The following DISC1 variants were observed in gnomAD, a reference collection of about 807,000 sequenced individuals.
The protein encoded by DISC1 is disrupted in schizophrenia 1 protein.
A neutral mutation model predicts 84.5 loss-of-function variants in DISC1; 57 were observed. The observed-to-expected ratio is 0.67, with a 90% CI of 0.55 to 0.84. DISC1 has a LOEUF of 0.84. DISC1 is among the 40% of genes least tolerant of loss of function. The pLI, the probability that DISC1 is intolerant of heterozygous loss-of-function variation, is 0.00. For missense variants in DISC1, 1,000 were observed against 1,057.8 expected, an observed-to-expected ratio of 0.95 and a Z score of 0.76; for synonymous variants, 411 against 415.2, an observed-to-expected ratio of 0.99 and a Z score of 0.12.
At chr1:231,716,316 CAAAA>C (rs397861600) in intron 3 of DISC1, among the ~76,000 whole-genome samples, 4 of 82,740 alleles carry the variant, frequency 4.8e-5, no homozygotes, top group Admixed American at 1.4e-4. Flanking sequence ...TTTCAATCTG[CAAAA>C]AAAAAAAAAA....
rs140576246 is a variant in DISC1, at chr1:231,935,471, C to A, written c.1982-23357C>A. 2.6e-3 allele frequency among the ~76,000 whole-genome samples: 389 copies of A among 152,202 alleles called. 3 individuals carry two copies. The highest frequency in any genetic ancestry group is 9.1e-3 in the African/African-American group (378 of 41,534). The stretch of plus-strand genomic sequence containing the variant: ...ACAAATGTACATATTGTCCTCTACG[C>A]GTGATATAAAATTGTTCAGCAATAG... On this transcript the variant is annotated intron_variant, in intron 9 of 12. Transcript: ENST00000439617.
intron 1 of DISC1, among the ~76,000 whole-genome samples, chr1:231,642,169 CG>C (rs2059765257): frequency 6.6e-6 from 1 of 152,054 alleles, no homozygotes; most frequent in Non-Finnish European, 1.5e-5. Context: ...CTTCACTGCC[CG>C]GGGCCGGCGG....
chr1:231,637,132 A>G (rs1352090066), intron 1 of DISC1, among the ~76,000 whole-genome samples: 1 of 152,088 alleles, frequency 6.6e-6, no homozygotes, highest in Non-Finnish European at 1.5e-5. Context: ...AAGGACATGA[A>G]CTCATCCTTT....
chr1:231,937,791 G>T (rs2091072192), intron 9 of DISC1, among the ~76,000 whole-genome samples: 1 of 152,106 alleles, frequency 6.6e-6, no homozygotes, highest in Non-Finnish European at 1.5e-5. Flanking sequence ...CTGAAAGAGG[G>T]ATTCCTAAAC....
At chr1:231,894,744 GTT>G (rs1491525773) in intron 9 of DISC1, among the ~76,000 whole-genome samples, 14 of 85,886 alleles carry the variant, frequency 1.6e-4, no homozygotes, top group Non-Finnish European at 2.2e-4. Flanking sequence ...TGTGTCATCT[GTT>G]GTGTGTGTGT....
chr1:231,783,789 A>T (rs535824402), intron 6 of DISC1, among the ~76,000 whole-genome samples: 1 of 152,196 alleles, frequency 6.6e-6, no homozygotes, highest in Non-Finnish European at 1.5e-5. Flanking sequence ...ATTCACTATT[A>T]GGGCTTACTC....
rs2073937951 is a variant in DISC1 at position 231,745,987 on chromosome 1, G to A, written c.1118-3939G>A. On this transcript the variant is annotated intron_variant, in intron 3 of 12. Coordinates refer to ENST00000439617, the MANE Select transcript of DISC1 (RefSeq NM_018662.3). ...CTTGTTCCCTCTCTTGCCACGTGAT[G>A]TGCCTGCTCTCCCTTAGCCTTCTGC... 2.6e-5 allele frequency among the ~76,000 whole-genome samples: 4 copies of A among 152,124 alleles called. No individual in the cohort carries two copies. The South Asian group carries it at 8.3e-4, about 32-fold the overall frequency.
At chr1:232,005,841 G>T (rs1667352437) in intron 10 of DISC1, among the ~76,000 whole-genome samples, 1 of 152,154 alleles carries the variant, frequency 6.6e-6, no homozygotes, top group Non-Finnish European at 1.5e-5. Flanking sequence ...TAGAAGGAAG[G>T]GTTATTAAAT....
intron 3 of DISC1, among the ~76,000 whole-genome samples, chr1:231,718,388 A>G (rs1317561480): frequency 2.7e-5 from 4 of 150,870 alleles, no homozygotes; most frequent in African/African-American, 9.8e-5. Context: ...TTAGCTTTCT[A>G]ACTTCATTTC....
intron 9 of DISC1, among the ~76,000 whole-genome samples, chr1:231,923,320 AAAAAG>A (rs2090131471): frequency 6.9e-6 from 1 of 145,178 alleles, no homozygotes; most frequent in South Asian, 2.2e-4. Context: ...AAAAAAAAAC[AAAAAG>A]AAAAAGAAAT....
intron 1 of DISC1, among the ~76,000 whole-genome samples, chr1:231,664,875 C>T (rs1465025462): frequency 4.0e-5 from 6 of 149,872 alleles, no homozygotes; most frequent in South Asian, 2.1e-4. Flanking sequence ...TGAAAAAACT[C>T]GCAGACAAAC....
intron 1 of DISC1, among the ~76,000 whole-genome samples, chr1:231,667,006 G>A (rs978112424): frequency 6.6e-6 from 1 of 152,166 alleles, no homozygotes; most frequent in African/African-American, 2.4e-5. Flanking sequence ...TAGCTAAGAT[G>A]TGGTACCTTC....
chr1:231,781,639 G>A (rs200329930), intron 6 of DISC1, among the ~76,000 whole-genome samples: 4 of 152,112 alleles, frequency 2.6e-5, no homozygotes, highest in Admixed American at 6.6e-5. Context: ...CTTGAGAACC[G>A]TTCTGTACTT....
rs750420941 is a variant in DISC1, at chr1:232,026,325, A to G, written c.2308-110A>G. On this transcript the variant is annotated intron_variant, in intron 11 of 12. Coordinates refer to ENST00000439617, the MANE Select transcript of DISC1 (RefSeq NM_018662.3). ...CAGGGGAGACACAGGCCCTAGCACA[A>G]TTCTGACTGAGGTGCAGAAACTGGG... The G allele has an allele frequency of 4.1e-5, 29 of 708,942 alleles. No individual in the cohort carries two copies. In the Middle Eastern group the frequency reaches 1.2e-3, roughly 29 times the overall value. 43.9% of individuals were successfully genotyped at this position (708,942 alleles called of 1,614,324 possible).
At chr1:231,887,697 A>G (rs576869256) in intron 9 of DISC1, among the ~76,000 whole-genome samples, 1 of 152,376 alleles carries the variant, frequency 6.6e-6, no homozygotes, top group Non-Finnish European at 1.5e-5. Flanking sequence ...TTTGTAAGTT[A>G]TCACTCCAGA....
At chr1:231,870,590 A>G (rs1039831415) in intron 9 of DISC1, among the ~76,000 whole-genome samples, 3 of 152,174 alleles carry the variant, frequency 2.0e-5, no homozygotes, top group Non-Finnish European at 4.4e-5. Context: ...ATCAGTTTCC[A>G]TAAGGCTTCA....
intron 6 of DISC1, among the ~76,000 whole-genome samples, chr1:231,781,264 G>T (rs941563245): frequency 7.6e-6 from 1 of 130,794 alleles, no homozygotes; most frequent in African/African-American, 2.9e-5. Flanking sequence ...AACAAAGGAG[G>T]GTGAAAAAAT....
chr1:231,871,118 C>A (rs995103918), intron 9 of DISC1, among the ~76,000 whole-genome samples: 1 of 152,196 alleles, frequency 6.6e-6, no homozygotes, highest in Non-Finnish European at 1.5e-5. Context: ...TGACTGCACT[C>A]ATTGATGCAG....
chr1:231,657,974 G>A (rs908061788), intron 1 of DISC1, among the ~76,000 whole-genome samples: 4 of 152,112 alleles, frequency 2.6e-5, no homozygotes, highest in Non-Finnish European at 5.9e-5. Context: ...GGATTTGTTG[G>A]TTCCACATGA....
Sources: gnomAD v4.1 joint callset for allele counts (sites outside exome capture counted in the v4.1 genomes callset) on GRCh38, gnomAD v4.1.1 for gene constraint, MANE v1.5 for transcripts, NCBI Gene and HGNC (gene_info 2026-07-23, HGNC 2026-07-21) for gene names.